Variants in CYYR1 observed in about 807,000 individuals in gnomAD.
CYYR1 encodes the protein cysteine and tyrosine-rich protein 1.
CYYR1 carries 14 observed loss-of-function variants against 15.2 expected under a neutral mutation model. The observed-to-expected ratio is 0.92, with a 90% confidence interval of 0.61 to 1.44. CYYR1 has a LOEUF of 1.44. CYYR1 is among the 40% of genes most tolerant of loss of function. The pLI is 0.00. For synonymous variants in CYYR1, 80 were observed against 77.4 expected, an observed-to-expected ratio of 1.03 and a Z score of -0.18; for missense variants, 228 against 209.5, an observed-to-expected ratio of 1.09 and a Z score of -0.54.
chr21:26,482,461 T>C, intron 2 of CYYR1: 1 of 985,322 alleles, frequency 1.0e-6, no homozygotes, highest in South Asian at 4.7e-5. Context: ...CTACTGGTTG[T>C]TCCGAACCTG....
chr21:26,541,165 G>A (rs1206154871), intron 2 of CYYR1, among the ~76,000 whole-genome samples: 1 of 152,096 alleles, frequency 6.6e-6, no homozygotes, highest in Non-Finnish European at 1.5e-5. Context: ...TCTAATACAT[G>A]TGGAGTTTTA....
intron 2 of CYYR1, among the ~76,000 whole-genome samples, chr21:26,539,182 A>G (rs1978375654): frequency 6.6e-6 from 1 of 152,186 alleles, no homozygotes; most frequent in Non-Finnish European, 1.5e-5. Context: ...TTCTCATTCA[A>G]GTTCACAGAC....
chr21:26,515,907 C>T (rs1375794408), intron 2 of CYYR1, among the ~76,000 whole-genome samples: 1 of 152,148 alleles, frequency 6.6e-6, no homozygotes, highest in Non-Finnish European at 1.5e-5. Flanking sequence ...CCACACTAGC[C>T]CTCCCCACCT....
chr21:26,542,142 T>A (rs985350741), intron 2 of CYYR1, among the ~76,000 whole-genome samples: 1 of 146,958 alleles, frequency 6.8e-6, no homozygotes, highest in African/African-American at 2.5e-5. Context: ...TACAAAAAAA[T>A]CAAGTAGATG....
chr21:26,549,198 TTC>T (rs895644968), intron 2 of CYYR1, among the ~76,000 whole-genome samples: 1 of 152,188 alleles, frequency 6.6e-6, no homozygotes, highest in Non-Finnish European at 1.5e-5. Context: ...ATAAGCTCTT[TTC>T]TCTCATGTGC....
chr21:26,535,681 A>T (rs1268857375), intron 2 of CYYR1, among the ~76,000 whole-genome samples: 2 of 152,158 alleles, frequency 1.3e-5, no homozygotes, highest in Non-Finnish European at 2.9e-5. Flanking sequence ...CAATCTCTGC[A>T]TTCTGAGAGC....
intron 2 of CYYR1, among the ~76,000 whole-genome samples, chr21:26,519,509 G>T (rs1309658436): frequency 6.6e-6 from 1 of 152,136 alleles, no homozygotes; most frequent in Non-Finnish European, 1.5e-5. Flanking sequence ...GGGAAAAATG[G>T]CAGGACATGA....
chr21:26,564,586 T>C (rs1980476657), intron 2 of CYYR1: 1 of 735,468 alleles, frequency 1.4e-6, no homozygotes. Context: ...GTAAATCATA[T>C]CAAGTACATC....
chr21:26,560,739 C>T (rs754363667), intron 2 of CYYR1, among the ~76,000 whole-genome samples: 20 of 152,226 alleles, frequency 1.3e-4, no homozygotes, highest in African/African-American at 3.6e-4. Flanking sequence ...AAAAGCTCCT[C>T]GTCTCTGATC....
At chr21:26,523,356 G>A (rs964779802) in intron 2 of CYYR1, among the ~76,000 whole-genome samples, 1 of 152,062 alleles carries the variant, frequency 6.6e-6, no homozygotes, top group Non-Finnish European at 1.5e-5. Flanking sequence ...CCAAAGTTGT[G>A]TCTCTGCTTC....
intron 2 of CYYR1, among the ~76,000 whole-genome samples, chr21:26,522,287 C>T (rs958037346): frequency 6.6e-6 from 1 of 152,084 alleles, no homozygotes; most frequent in Non-Finnish European, 1.5e-5. Flanking sequence ...ACTTGAAAGT[C>T]CCTAAAATTA....
intron 2 of CYYR1, among the ~76,000 whole-genome samples, chr21:26,540,973 G>T (rs748825439): frequency 1.3e-5 from 2 of 152,162 alleles, no homozygotes; most frequent in Non-Finnish European, 2.9e-5. Flanking sequence ...GGAAATTCTA[G>T]AAATGAGGAA....
At chr21:26,545,167 T>C (rs1157427598) in intron 2 of CYYR1, among the ~76,000 whole-genome samples, 2 of 152,168 alleles carry the variant, frequency 1.3e-5, no homozygotes, top group Non-Finnish European at 2.9e-5. Flanking sequence ...ATATATTTTA[T>C]TACAAATAAA....
intron 2 of CYYR1, among the ~76,000 whole-genome samples, chr21:26,531,092 C>A (rs998689071): frequency 2.0e-5 from 3 of 152,140 alleles, no homozygotes; most frequent in East Asian, 3.8e-4. Flanking sequence ...CTGTAATAGT[C>A]AAAAGCTTGC....
chr21:26,526,003 TG>T (rs11339730), intron 2 of CYYR1, among the ~76,000 whole-genome samples: 99,827 of 151,876 alleles, frequency 0.66, 32,973 homozygotes, highest in East Asian at 0.81. Context: ...CAATGGACAC[TG>T]GGGGCCTTTT....
intron 3 of CYYR1, among the ~76,000 whole-genome samples, chr21:26,476,457 T>C (rs548235035): frequency 6.6e-6 from 1 of 152,158 alleles, no homozygotes; most frequent in African/African-American, 2.4e-5. Flanking sequence ...TTTGGCTAAC[T>C]CTTTCTGTAT....
rs1401094627 is a variant in CYYR1 at position 26,489,456 on chromosome 21, T to C, written c.177-9027A>G. 3.3e-5 allele frequency among the ~76,000 whole-genome samples: 5 copies of C among 152,224 alleles called. No individual in the cohort carries two copies. In the East Asian group the frequency reaches 5.8e-4, roughly 18 times the overall value. ...ATTCTTACATGATTTTGTGCCAATA[T>C]AGATTTAATGAGAGTCGAATACATA... is the stretch of plus-strand genomic sequence containing the variant. On this transcript the variant is annotated intron_variant, in intron 2 of 3. Transcript: ENST00000652641.
chr21:26,506,613 T>C (rs2065568521), intron 2 of CYYR1: 1 of 152,310 alleles, frequency 6.6e-6, no homozygotes. Flanking sequence ...CTCAGTGTTT[T>C]TGGTATGAAG....
In CYYR1 at chr21:26,480,328, G is replaced by A. The variant is rs147481963; in HGVS notation, c.278C>T (p.Ala93Val). Reference protein sequence around the residue: ...CICMCMKNHRATRVGILRTTH... With the variant: ...CICMCMKNHRVTRVGILRTTH... ...CGTCCTGAGGATGCCCACGCGGGTC[G>A]CCCTGTGGTTCTTCATGCACATGCA... Residue 93 changes from alanine to valine, a missense_variant, in exon 3 of 4, where the codon GCG becomes GTG. Transcript: ENST00000652641. 1.2e-5 allele frequency: 20 copies of A among 1,613,494 alleles called. No homozygotes were observed. Among genetic ancestry groups the A allele is most frequent in the East Asian group, 6.7e-5 (3 of 44,822 alleles).
Sources: allele counts gnomAD v4.1 joint callset (sites outside exome capture counted in the v4.1 genomes callset), GRCh38; gene constraint gnomAD v4.1.1; transcripts MANE v1.5; gene names NCBI Gene and HGNC (gene_info 2026-07-23, HGNC 2026-07-21).